The following CDH4 variants were observed in gnomAD, a reference collection of about 807,000 sequenced individuals.
CDH4 encodes cadherin-4.
CDH4 carries 33 observed loss-of-function variants against 86.0 expected under a neutral mutation model. The ratio of observed to expected loss-of-function variants is 0.38; its 90% CI spans 0.29 to 0.51. The LOEUF (loss-of-function observed/expected upper bound fraction) is 0.51, where lower values mean the gene tolerates loss of function less well. CDH4 is among the 20% of genes least tolerant of loss of function. CDH4 has a pLI of 0.86. For synonymous variants in CDH4, 555 were observed against 549.4 expected (o/e 1.01, Z -0.14); for missense variants, 1,114 against 1,307.4 (o/e 0.85, Z 2.28).
intron 4 of CDH4, among the ~76,000 whole-genome samples, chr20:61,821,784 A>G (rs188824387): frequency 1.3e-5 from 2 of 152,366 alleles, no homozygotes; most frequent in African/African-American, 2.4e-5. Flanking sequence ...GCTCAATTTT[A>G]CAACCATTTC....
rs1056866176 is a variant in CDH4 at position 61,393,580 on chromosome 20, G to A, written c.169+138643G>A. On this transcript the variant is annotated intron_variant, in intron 2 of 15. Coordinates refer to ENST00000614565, the MANE Select transcript of CDH4 (RefSeq NM_001794.5). The surrounding 1 kb of genome is among the most constrained non-coding windows in gnomAD (Gnocchi z 4.3). ...AGCCCACATTCGCCACAGCCACTTG[G>A]CTGAACCCTATTCTAGGTGTTGGCA... Among the ~76,000 whole-genome samples the A allele has an allele frequency of 2.0e-5, 3 of 152,154 alleles. No individual in the cohort carries two copies. In the South Asian group the frequency reaches 6.2e-4, roughly 32 times the overall value.
intron 2 of CDH4, among the ~76,000 whole-genome samples, chr20:61,296,194 G>A (rs1370014233): frequency 6.6e-6 from 1 of 152,016 alleles, no homozygotes; most frequent in African/African-American, 2.4e-5. Context: ...GTGTGCGTGT[G>A]TGTGTGTGAG....
chr20:61,400,899 T>C (rs2145479068), intron 2 of CDH4, among the ~76,000 whole-genome samples: 1 of 152,344 alleles, frequency 6.6e-6, no homozygotes, highest in Non-Finnish European at 1.5e-5. Flanking sequence ...CTAACTACTT[T>C]CTAAGTTGAC....
intron 2 of CDH4, among the ~76,000 whole-genome samples, chr20:61,282,547 A>ATGTGTGTGTGTGTGTGTGTG (rs71185912): frequency 7.7e-6 from 1 of 130,122 alleles, no homozygotes; most frequent in African/African-American, 2.8e-5. Flanking sequence ...GTGTGTGTGC[A>ATGTGTGTGTGTGTGTGTGTG]TGTGTGTGTG....
intron 2 of CDH4, among the ~76,000 whole-genome samples, chr20:61,397,071 G>A (rs982313225): frequency 3.3e-5 from 5 of 151,962 alleles, no homozygotes; most frequent in South Asian, 2.1e-4. Flanking sequence ...CACCACACCC[G>A]GCTAATTTTT....
intron 2 of CDH4, among the ~76,000 whole-genome samples, chr20:61,355,845 C>G (rs1256407827): frequency 6.6e-6 from 1 of 152,176 alleles, no homozygotes. Flanking sequence ...TTCAGGCCAC[C>G]AGGCTATGCT....
intron 2 of CDH4, among the ~76,000 whole-genome samples, chr20:61,667,918 C>A (rs2087345305): frequency 6.6e-6 from 1 of 152,196 alleles, no homozygotes; most frequent in African/African-American, 2.4e-5. Flanking sequence ...TCTGAGGCTG[C>A]CAAATGTCGC....
At chr20:61,804,369 C>CAA (rs1980009740) in intron 4 of CDH4, among the ~76,000 whole-genome samples, 2 of 152,210 alleles carry the variant, frequency 1.3e-5, no homozygotes, top group Non-Finnish European at 2.9e-5. Flanking sequence ...GTCCCCTGCA[C>CAA]AGCCACTGTC....
rs566468364 is a variant in CDH4, at chr20:61,641,364, C to G, written c.170-102199C>G. ...GGTGGGCCACCCCTCCAGCTCCCCACAGCCCACCCCTCCAGCTCCCCACAG... is the reference window on the plus strand; with the variant it reads ...GGTGGGCCACCCCTCCAGCTCCCCAGAGCCCACCCCTCCAGCTCCCCACAG... On this transcript the variant is annotated intron_variant, in intron 2 of 15. Coordinates refer to ENST00000614565, the MANE Select transcript of CDH4 (RefSeq NM_001794.5). Among the ~76,000 whole-genome samples, 353 of 151,128 alleles carry G rather than the reference C, an allele frequency of 2.3e-3. 1 individual carries two copies. Among genetic ancestry groups the G allele is most frequent in the African/African-American group, 8.2e-3 (339 of 41,422 alleles).
chr20:61,864,237 C>T (rs1270352064), intron 6 of CDH4, among the ~76,000 whole-genome samples: 5 of 152,178 alleles, frequency 3.3e-5, no homozygotes, highest in Non-Finnish European at 1.5e-5. Flanking sequence ...GGCGTTGAGC[C>T]CTGTGTGCTG....
chr20:61,928,841 A>G (rs2055074570), intron 12 of CDH4, among the ~76,000 whole-genome samples: 1 of 152,196 alleles, frequency 6.6e-6, no homozygotes, highest in Non-Finnish European at 1.5e-5. Flanking sequence ...AAACATGTCT[A>G]CTTCCATCGG....
At chr20:61,640,117 A>G (rs1386378125) in intron 2 of CDH4, among the ~76,000 whole-genome samples, 1 of 152,214 alleles carries the variant, frequency 6.6e-6, no homozygotes, top group Non-Finnish European at 1.5e-5. Flanking sequence ...ATATTTTGAT[A>G]TAAAATCCCA....
intron 2 of CDH4, among the ~76,000 whole-genome samples, chr20:61,554,869 T>G (rs776131583): frequency 7.0e-6 from 1 of 143,172 alleles, no homozygotes; most frequent in African/African-American, 2.8e-5. Context: ...CATGTTTGTG[T>G]GTCTGAGTAA....
At chr20:61,506,607 A>C (rs1465689543) in intron 2 of CDH4, among the ~76,000 whole-genome samples, 1 of 152,262 alleles carries the variant, frequency 6.6e-6, no homozygotes, top group Non-Finnish European at 1.5e-5. Flanking sequence ...GTGGATATTT[A>C]CATGGTACCT....
intron 2 of CDH4, among the ~76,000 whole-genome samples, chr20:61,371,438 A>T (rs1255846262): frequency 1.3e-5 from 2 of 152,238 alleles, no homozygotes; most frequent in African/African-American, 4.8e-5. Context: ...GAAGTGTCAG[A>T]CGCTGCGGAC....
rs188871164 is a variant in CDH4, at chr20:61,885,491, T to C, written c.1051-9419T>C. ...CATGCCTCTTAATGGCTGAATAATA[T>C]TCCGCTGCATGGGGCAACCACGTTC... On this transcript the variant is annotated intron_variant, in intron 7 of 15. Transcript: ENST00000614565. Among the ~76,000 whole-genome samples, 119 of 152,348 alleles carry C rather than the reference T, an allele frequency of 7.8e-4. 1 individual carries two copies. The highest frequency in any genetic ancestry group is 2.7e-3 in the African/African-American group (111 of 41,566).
chr20:61,341,022 C>T (rs1405516194), intron 2 of CDH4, among the ~76,000 whole-genome samples: 2 of 152,148 alleles, frequency 1.3e-5, no homozygotes, highest in Non-Finnish European at 2.9e-5. Flanking sequence ...GCAGCCTTGC[C>T]GTCCGCTACA....
chr20:61,854,761 C>G (rs1050588907), intron 6 of CDH4, among the ~76,000 whole-genome samples: 7 of 143,450 alleles, frequency 4.9e-5, no homozygotes, highest in African/African-American at 1.3e-4. Context: ...GTAGTGTGAA[C>G]AGGGTGAATT....
chr20:61,305,449 T>C (rs1301537271), intron 2 of CDH4, among the ~76,000 whole-genome samples: 1 of 152,222 alleles, frequency 6.6e-6, no homozygotes, highest in Non-Finnish European at 1.5e-5. Context: ...CAACACTTTT[T>C]CTCTATGGAT....
Sources: allele counts gnomAD v4.1 joint callset (sites outside exome capture counted in the v4.1 genomes callset), GRCh38; gene constraint gnomAD v4.1.1; non-coding constraint Gnocchi (gnomAD v3.1); transcripts MANE v1.5; gene names NCBI Gene and HGNC (gene_info 2026-07-23, HGNC 2026-07-21).